The following SLC16A7 variants were observed in gnomAD, a reference collection of about 807,000 sequenced individuals.
The protein encoded by SLC16A7 is solute carrier family 16 member 7.
In SLC16A7, 33 loss-of-function variants were observed where a neutral mutation model predicts 34.9. The observed-to-expected ratio is 0.94, with a 90% confidence interval of 0.72 to 1.26. The LOEUF (loss-of-function observed/expected upper bound fraction) is 1.26. Ranked by LOEUF, SLC16A7 falls within the 50% of genes most tolerant of loss-of-function variation. The pLI, the probability that SLC16A7 is intolerant of heterozygous loss-of-function variation, is 0.00. For missense variants in SLC16A7, 573 were observed against 578.1 expected (o/e 0.99, Z 0.09); for synonymous variants, 201 against 206.6 (o/e 0.97, Z 0.23).
chr12:59,764,025 G>C (rs901343232), intron 3 of SLC16A7: 4 of 152,150 alleles, frequency 2.6e-5, no homozygotes, highest in African/African-American at 9.7e-5. Context: ...TGGCTTCTAA[G>C]TGTTCAAGTG....
At chr12:59,731,548 A>C (rs973445987) in intron 3 of SLC16A7, among the ~76,000 whole-genome samples, 2 of 152,212 alleles carry the variant, frequency 1.3e-5, no homozygotes, top group African/African-American at 4.8e-5. Context: ...CAATTAATTG[A>C]GTTTGCTGGC....
chr12:59,724,252 T>A (rs1875971308), intron 3 of SLC16A7, among the ~76,000 whole-genome samples: 1 of 152,018 alleles, frequency 6.6e-6, no homozygotes, highest in African/African-American at 2.4e-5. Flanking sequence ...AAATTACTGG[T>A]AATGTGATAA....
chr12:59,736,522 G>A (rs1012075037), intron 3 of SLC16A7, among the ~76,000 whole-genome samples: 2 of 152,160 alleles, frequency 1.3e-5, no homozygotes, highest in Non-Finnish European at 2.9e-5. Flanking sequence ...GATTGGTTCA[G>A]GAGGCTACAC....
At chr12:59,674,146 T>C (rs922100007) in intron 2 of SLC16A7, among the ~76,000 whole-genome samples, 1 of 152,224 alleles carries the variant, frequency 6.6e-6, no homozygotes, top group Admixed American at 6.5e-5. Flanking sequence ...ATAATATTTA[T>C]GTAATATTAG....
intron 1 of SLC16A7, among the ~76,000 whole-genome samples, chr12:59,637,684 T>C (rs1880494643): frequency 6.6e-6 from 1 of 152,148 alleles, no homozygotes. Flanking sequence ...GTCTGTTTTA[T>C]GTTTACGTTC....
chr12:59,698,546 A>G (rs1291838102), intron 2 of SLC16A7, among the ~76,000 whole-genome samples: 5 of 151,810 alleles, frequency 3.3e-5, no homozygotes, highest in Non-Finnish European at 7.4e-5. Flanking sequence ...ATGCCTATTA[A>G]TTGTTTCTGA....
chr12:59,691,487 T>C (rs1004738626), intron 2 of SLC16A7, among the ~76,000 whole-genome samples: 4 of 152,022 alleles, frequency 2.6e-5, no homozygotes, highest in Middle Eastern at 3.2e-3. Context: ...AAAATTACTT[T>C]GAACAATTGC....
At chr12:59,710,890 C>G (rs1326084902) in intron 3 of SLC16A7, among the ~76,000 whole-genome samples, 3 of 152,148 alleles carry the variant, frequency 2.0e-5, no homozygotes, top group African/African-American at 7.2e-5. Context: ...TCAACTAGCA[C>G]CAGTAATTCT....
chr12:59,691,805 A>T (rs1240805959), intron 2 of SLC16A7, among the ~76,000 whole-genome samples: 2 of 151,934 alleles, frequency 1.3e-5, no homozygotes, highest in Non-Finnish European at 2.9e-5. Flanking sequence ...ACATTTTCTA[A>T]TGACTTTCAG....
At chr12:59,744,200 C>A (rs1185188686) in intron 3 of SLC16A7, among the ~76,000 whole-genome samples, 1 of 152,140 alleles carries the variant, frequency 6.6e-6, no homozygotes, top group African/African-American at 2.4e-5. Flanking sequence ...ACATACATTT[C>A]TTTTTTCCCA....
At chr12:59,771,011 T>A (rs1157595395) in intron 3 of SLC16A7, among the ~76,000 whole-genome samples, 1 of 152,190 alleles carries the variant, frequency 6.6e-6, no homozygotes. Context: ...TATTATTTCA[T>A]GTGCTTTTAT....
intron 3 of SLC16A7, among the ~76,000 whole-genome samples, chr12:59,711,451 A>C (rs1874217248): frequency 6.6e-6 from 1 of 152,190 alleles, no homozygotes. Context: ...TTTGGAAACT[A>C]TTGCCTAATG....
intron 3 of SLC16A7, among the ~76,000 whole-genome samples, chr12:59,718,408 G>A (rs139298902): frequency 6.6e-6 from 1 of 152,104 alleles, no homozygotes; most frequent in African/African-American, 2.4e-5. Flanking sequence ...TGACATAGTG[G>A]AATAGTGGTA....
chr12:59,765,954 C>T (rs1246483348), intron 3 of SLC16A7, among the ~76,000 whole-genome samples: 2 of 152,108 alleles, frequency 1.3e-5, no homozygotes, highest in East Asian at 3.9e-4. Flanking sequence ...ATTGATTCTT[C>T]CTACCCGTGA....
At chr12:59,761,220 G>GT in intron 3 of SLC16A7, 1 of 1,025,898 alleles carries the variant, frequency 9.7e-7, no homozygotes, top group South Asian at 1.4e-5. Flanking sequence ...AAACTGTATT[G>GT]TTAAATACTT....
At chr12:59,622,270 A>G (rs1879726922) in intron 1 of SLC16A7, among the ~76,000 whole-genome samples, 1 of 151,796 alleles carries the variant, frequency 6.6e-6, no homozygotes, top group Non-Finnish European at 1.5e-5. Context: ...GGCTGAAAAA[A>G]CGTAGGTTGT....
chr12:59,726,196 C>A (rs1438901309), intron 3 of SLC16A7, among the ~76,000 whole-genome samples: 1 of 152,060 alleles, frequency 6.6e-6, no homozygotes, highest in African/African-American at 2.4e-5. Context: ...TATCAGAATG[C>A]TACTCTGAAT....
chr12:59,720,155 C>CAG (rs35527852), intron 3 of SLC16A7: 70,866 of 681,058 alleles, frequency 0.1, 4,666 homozygotes, highest in African/African-American at 0.22. Context: ...CTAAAGAACA[C>CAG]AATTGGAAAG....
At chr12:59,639,604 C>G (rs1880586381) in intron 1 of SLC16A7, among the ~76,000 whole-genome samples, 2 of 152,036 alleles carry the variant, frequency 1.3e-5, no homozygotes, top group African/African-American at 4.8e-5. Flanking sequence ...CCAAGTTAGT[C>G]TCAACTCCTG....
Sources: allele counts gnomAD v4.1 joint callset (sites outside exome capture counted in the v4.1 genomes callset), GRCh38; gene constraint gnomAD v4.1.1; transcripts MANE v1.5; gene names NCBI Gene and HGNC (gene_info 2026-07-23, HGNC 2026-07-21).